Variants in ANKIB1 observed in about 807,000 individuals in gnomAD.
ANKIB1 encodes ankyrin repeat and IBR domain containing 1.
Under a neutral mutation model 122.1 loss-of-function variants are expected in ANKIB1, and 43 were observed. The observed-to-expected ratio is 0.35, with a 90% CI of 0.28 to 0.45. The LOEUF is 0.45. ANKIB1 is among the 20% of genes least tolerant of loss of function. ANKIB1 has a pLI of 1.00. For missense variants in ANKIB1, 992 were observed against 1,329.5 expected (o/e 0.75, Z 3.95); for synonymous variants, 390 against 442.0 (o/e 0.88, Z 1.48).
chr7:92,372,364 T>C (rs1160385434), intron 11 of ANKIB1, among the ~76,000 whole-genome samples: 1 of 152,206 alleles, frequency 6.6e-6, no homozygotes, highest in East Asian at 1.9e-4. Context: ...CTAGAGGATG[T>C]GCATAGGTTA....
At chr7:92,358,815 C>CT (rs1165813713) in intron 9 of ANKIB1, among the ~76,000 whole-genome samples, 3 of 151,704 alleles carry the variant, frequency 2.0e-5, no homozygotes, top group Admixed American at 6.6e-5. Context: ...TACTTCTGGG[C>CT]TTTTTTTTCT....
At chr7:92,287,657 C>T (rs1802159391) in intron 1 of ANKIB1, among the ~76,000 whole-genome samples, 2 of 152,040 alleles carry the variant, frequency 1.3e-5, no homozygotes, top group Admixed American at 1.3e-4. Flanking sequence ...CATGTTTCTT[C>T]TCAAACTTCT....
intron 3 of ANKIB1, among the ~76,000 whole-genome samples, chr7:92,314,915 A>G (rs1355828133): frequency 6.6e-6 from 1 of 152,126 alleles, no homozygotes; most frequent in Non-Finnish European, 1.5e-5. Context: ...GTGTGGTGGT[A>G]CTGGAGATGG....
chr7:92,351,032 G>A lies in ANKIB1; in HGVS notation c.1168G>A (p.Asp390Asn), dbSNP rs943889338. Reference sequence around the variant, plus strand: ...TGATTGCTTCCAACTTGTACCTGTGGATATCATAGAAAGTGTAGTTTCAAA... The same window carrying A: ...TGATTGCTTCCAACTTGTACCTGTGAATATCATAGAAAGTGTAGTTTCAAA... Reference protein sequence around the residue: ...AYDCFQLVPVDIIESVVSKEM... With the variant: ...AYDCFQLVPVNIIESVVSKEM... The change falls in exon 8 of 20, where the codon GAT becomes AAT. Residue 390 changes from aspartate (D) to asparagine (N), a missense_variant. This residue lies in a region of ANKIB1 where 521 missense variants were observed against 777.7 expected (regional missense o/e 0.67). Transcript: ENST00000265742. 5 of 1,599,076 alleles carry A rather than the reference G, an allele frequency of 3.1e-6. No individual in the cohort carries two copies. The highest frequency in any genetic ancestry group is 1.1e-5 in the South Asian group (1 of 88,360).
chr7:92,268,385 G>A (rs1362020557), intron 1 of ANKIB1, among the ~76,000 whole-genome samples: 1 of 152,136 alleles, frequency 6.6e-6, no homozygotes, highest in East Asian at 1.9e-4. Context: ...ATCTTTAAAG[G>A]CATATGATTG....
chr7:92,387,811 A>G lies in ANKIB1; in HGVS notation c.1766A>G (p.His589Arg). ...TTTGTTTTCTAGGCTGAGAAAAAACACAAACGATTTCAGGAACTTGACAGA... is the reference window on the plus strand; with the variant it reads ...TTTGTTTTCTAGGCTGAGAAAAAACGCAAACGATTTCAGGAACTTGACAGA... ...KEMTVEAEKK[H>R]KRFQELDRFM... is the part of the protein sequence containing the mutation. Residue 589 changes from histidine (H) to arginine (R), a missense_variant, in exon 13 of 20, where the codon CAC (histidine) becomes CGC (arginine). Physicochemically the swap from His to Arg is conservative, Grantham distance 29. Coordinates refer to ENST00000265742, the MANE Select transcript of ANKIB1 (RefSeq NM_019004.2). 1 of 1,610,046 alleles carries G rather than the reference A, an allele frequency of 6.2e-7. No individual in the cohort carries two copies. Among genetic ancestry groups the G allele is most frequent in the Non-Finnish European group, 8.5e-7 (1 of 1,178,862 alleles).
chr7:92,272,155 A>G (rs1161190381), intron 1 of ANKIB1, among the ~76,000 whole-genome samples: 1 of 152,240 alleles, frequency 6.6e-6, no homozygotes, highest in South Asian at 2.1e-4. Context: ...ATGCTTAAAA[A>G]TGATTAAAAT....
intron 11 of ANKIB1, among the ~76,000 whole-genome samples, chr7:92,383,845 C>A (rs531018372): frequency 1.3e-5 from 2 of 152,168 alleles, no homozygotes; most frequent in Non-Finnish European, 2.9e-5. Context: ...CAGGGATGCC[C>A]TCTCTCACCA....
At chr7:92,322,071 G>A (rs1461292868) in intron 4 of ANKIB1, among the ~76,000 whole-genome samples, 3 of 152,034 alleles carry the variant, frequency 2.0e-5, no homozygotes, top group South Asian at 2.1e-4. Context: ...AACAACTTCC[G>A]TTTGCCATAT....
chr7:92,382,226 C>T (rs1011502067), intron 11 of ANKIB1, among the ~76,000 whole-genome samples: 3 of 152,136 alleles, frequency 2.0e-5, no homozygotes, highest in Admixed American at 2.0e-4. Context: ...CAGGAGCACC[C>T]AGATTCATAA....
At chr7:92,387,402 G>A (rs141006387) in intron 12 of ANKIB1, among the ~76,000 whole-genome samples, 1,532 of 152,102 alleles carry the variant, frequency 0.01, 12 homozygotes, top group Non-Finnish European at 0.014. Context: ...TTGGGAGGCC[G>A]AGGCAGGCAG....
intron 3 of ANKIB1, among the ~76,000 whole-genome samples, chr7:92,315,383 T>C (rs1333595233): frequency 1.3e-5 from 2 of 152,200 alleles, no homozygotes; most frequent in African/African-American, 4.8e-5. Context: ...GACACTCATT[T>C]AGAATTTAGA....
intron 14 of ANKIB1, 105 bp from the exon 15 acceptor site, chr7:92,389,866 A>G: frequency 2.4e-6 from 3 of 1,231,442 alleles, no homozygotes; most frequent in Non-Finnish European, 3.4e-6. Context: ...TTTTGTCCTA[A>G]TGATCCTTCT....
At chr7:92,322,413 C>A (rs565082854) in intron 4 of ANKIB1, among the ~76,000 whole-genome samples, 2 of 152,000 alleles carry the variant, frequency 1.3e-5, no homozygotes, top group East Asian at 3.9e-4. Flanking sequence ...TTGAAGTATA[C>A]CAAAATGATC....
chr7:92,350,642 G>GA (rs1436333124), intron 7 of ANKIB1, among the ~76,000 whole-genome samples: 11 of 152,256 alleles, frequency 7.2e-5, no homozygotes, highest in African/African-American at 2.6e-4. Flanking sequence ...AGAATCGCTT[G>GA]AGACCAGGGG....
At chr7:92,395,613 A>C (rs1303321868) in intron 17 of ANKIB1, among the ~76,000 whole-genome samples, 1 of 139,308 alleles carries the variant, frequency 7.2e-6, no homozygotes, top group African/African-American at 2.7e-5. Context: ...ATCTCGGATC[A>C]CTGCAACCTC....
chr7:92,311,020 CTT>C (rs760958588), intron 3 of ANKIB1, among the ~76,000 whole-genome samples: 1 of 152,140 alleles, frequency 6.6e-6, no homozygotes, highest in African/African-American at 2.4e-5. Context: ...TTAGATGTCT[CTT>C]ATAAAGTTTA....
At chr7:92,322,636 ATATATTGTATTC>A (rs1245438494) in intron 4 of ANKIB1, among the ~76,000 whole-genome samples, 7 of 152,214 alleles carry the variant, frequency 4.6e-5, no homozygotes, top group African/African-American at 1.7e-4. Flanking sequence ...AGATCATGTC[ATATATTGTATTC>A]TATATTTTTT....
At chr7:92,306,217 CAGAAGACTATAA>C (rs1183628102) in intron 2 of ANKIB1, among the ~76,000 whole-genome samples, 1 of 152,070 alleles carries the variant, frequency 6.6e-6, no homozygotes, top group African/African-American at 2.4e-5. Context: ...TTCTGGAGTT[CAGAAGACTATAA>C]TGGCTCCACT....
Sources: allele counts gnomAD v4.1 joint callset (sites outside exome capture counted in the v4.1 genomes callset), GRCh38; gene constraint gnomAD v4.1.1; regional missense constraint gnomAD v4.1.1; transcripts MANE v1.5; gene names NCBI Gene and HGNC (gene_info 2026-07-23, HGNC 2026-07-21).